THOC2: variants seen among roughly 807,000 people sequenced by gnomAD.
The protein encoded by THOC2 is THO complex 2.
In THOC2, 10 loss-of-function variants were observed where a neutral mutation model predicts 128.4. That is an observed-to-expected ratio of 0.08 (90% CI 0.05 to 0.13). THOC2 has a LOEUF of 0.13. THOC2 is among the 10% of genes least tolerant of loss of function. THOC2 has a pLI of 1.00. For missense variants in THOC2, 535 were observed against 1,155.7 expected, an observed-to-expected ratio of 0.46 and a Z score of 7.79; for synonymous variants, 393 against 396.9, an observed-to-expected ratio of 0.99 and a Z score of 0.12.
rs993067885 is a variant in THOC2 at position 123,658,120 on chromosome X, G to A, written c.1386+7522C>T. ...GAAGCAAAATAGTGTGTTTGAAAGT[G>A]GACTTGGATCAATTGTAAATGTACA... On this transcript the variant is annotated intron_variant, in intron 12 of 38. Coordinates refer to ENST00000245838, the MANE Select transcript of THOC2 (RefSeq NM_001081550.2). Among the ~76,000 whole-genome samples the A allele has an allele frequency of 2.7e-5, 3 of 109,905 alleles. No individual in the cohort carries two copies. In the Admixed American group the frequency reaches 2.9e-4, roughly 11 times the overall value.
chrX:123,676,026 C>T (rs1296492867), intron 8 of THOC2, among the ~76,000 whole-genome samples: 2 of 112,377 alleles, frequency 1.8e-5, no homozygotes, highest in African/African-American at 6.5e-5. Flanking sequence ...CTCTGTTGGC[C>T]TTTTCTGGGC....
At chrX:123,613,272 T>G in intron 36 of THOC2, 127 bp downstream of exon 36, 9 of 674,679 alleles carry the variant, frequency 1.3e-5, no homozygotes, top group South Asian at 2.8e-5. Context: ...CCTCAATACC[T>G]CTTCTTCCCA....
chrX:123,634,564 G>T (rs777056480), intron 19 of THOC2, among the ~76,000 whole-genome samples: 9 of 111,644 alleles, frequency 8.1e-5, no homozygotes, highest in Admixed American at 6.7e-4. Flanking sequence ...TTTAGTACAT[G>T]TAACGCTGAT....
intron 8 of THOC2, among the ~76,000 whole-genome samples, chrX:123,678,361 G>A (rs2049600898): frequency 9.4e-6 from 1 of 106,583 alleles, no homozygotes; most frequent in Admixed American, 1.0e-4. Context: ...CACCTCTCGC[G>A]TTCAAGTGAT....
At chrX:123,656,421 G>A (rs1390872532) in intron 12 of THOC2, among the ~76,000 whole-genome samples, 1 of 108,701 alleles carries the variant, frequency 9.2e-6, no homozygotes, top group Non-Finnish European at 1.9e-5. Flanking sequence ...ACAAGATTCC[G>A]TGACTGGCTG....
At chrX:123,629,835 C>T (rs769114588) in intron 22 of THOC2, among the ~76,000 whole-genome samples, 1 of 111,648 alleles carries the variant, frequency 9.0e-6, no homozygotes, top group Non-Finnish European at 1.9e-5. Flanking sequence ...TCTAACAAAA[C>T]GGGATAAAAT....
chrX:123,700,595 G>A (rs2050664889), intron 4 of THOC2, among the ~76,000 whole-genome samples: 1 of 105,976 alleles, frequency 9.4e-6, no homozygotes, highest in Non-Finnish European at 1.9e-5. Context: ...CCCGGAAAGT[G>A]CAGCACTAAT....
Position 123,638,025 on chromosome X carries a change from A to G in THOC2, c.1921+18T>C. 8.7e-7 allele frequency: 1 copy of G among 1,145,295 alleles called. No individual in the cohort carries two copies. Among genetic ancestry groups the G allele is most frequent in the Non-Finnish European group, 1.2e-6 (1 of 845,471 alleles). The allele number at this position is 1,145,295 out of a possible 1,213,427, so 94.4% of individuals were successfully genotyped here. On this transcript the variant is annotated intron_variant, in intron 18 of 38. Coordinates refer to ENST00000245838, the MANE Select transcript of THOC2 (RefSeq NM_001081550.2). The stretch of plus-strand genomic sequence containing the variant: ...CCACAGATAGTAATTTCATCTTTGG[A>G]AAAATAAAAATACTTACTCTGAAGC...
chrX:123,699,202 G>A (rs1243465974), intron 4 of THOC2, among the ~76,000 whole-genome samples: 1 of 111,765 alleles, frequency 8.9e-6, no homozygotes, highest in African/African-American at 3.3e-5. Flanking sequence ...GAGAAGCACT[G>A]GTTTTAGTGA....
At chrX:123,662,246 C>A (rs2048861086) in intron 12 of THOC2, among the ~76,000 whole-genome samples, 1 of 110,834 alleles carries the variant, frequency 9.0e-6, no homozygotes, top group South Asian at 3.8e-4. Context: ...AGCTTTAAAA[C>A]CTTGGGCTGG....
At chrX:123,718,791 CAATT>C (rs1232044499) in intron 1 of THOC2, among the ~76,000 whole-genome samples, 1 of 110,057 alleles carries the variant, frequency 9.1e-6, no homozygotes, top group African/African-American at 3.3e-5. Context: ...GGAAAGGAAA[CAATT>C]AACAGTGTGA....
At chrX:123,664,502 T>C (rs2048975038) in intron 12 of THOC2, among the ~76,000 whole-genome samples, 1 of 111,713 alleles carries the variant, frequency 9.0e-6, no homozygotes, top group African/African-American at 3.3e-5. Context: ...CTCAAACAAA[T>C]TTAGAAGAAA....
chrX:123,676,471 T>C (rs1235965169), intron 8 of THOC2, among the ~76,000 whole-genome samples: 2 of 111,834 alleles, frequency 1.8e-5, no homozygotes, highest in African/African-American at 3.2e-5. Flanking sequence ...CAATTAACTT[T>C]GTAGAGCTCT....
chrX:123,627,231 T>C (rs945326959), intron 23 of THOC2, among the ~76,000 whole-genome samples: 3 of 112,007 alleles, frequency 2.7e-5, no homozygotes, highest in Non-Finnish European at 5.6e-5. Flanking sequence ...ATTCACTACA[T>C]GAAAGTGAAT....
chrX:123,731,983 G>A (rs1215533826), intron 1 of THOC2, among the ~76,000 whole-genome samples: 1 of 111,378 alleles, frequency 9.0e-6, no homozygotes, highest in South Asian at 4.0e-4. Context: ...CCCAGAGAAG[G>A]AAATGAGATG....
chrX:123,644,524 A>G, intron 15 of THOC2, 51 bp downstream of exon 15: 4 of 940,416 alleles, frequency 4.3e-6, no homozygotes, highest in Non-Finnish European at 5.8e-6. Context: ...AAGAAAGTAT[A>G]TTAGATTCAG....
intron 8 of THOC2, among the ~76,000 whole-genome samples, chrX:123,683,071 G>C (rs747446045): frequency 9.0e-6 from 1 of 111,338 alleles, no homozygotes; most frequent in East Asian, 2.8e-4. Context: ...AAAATGCCTG[G>C]GACCAGAAGT....
chrX:123,710,835 C>G (rs756830291), intron 2 of THOC2, among the ~76,000 whole-genome samples: 12 of 106,696 alleles, frequency 1.1e-4, no homozygotes, highest in African/African-American at 3.4e-4. Flanking sequence ...ACTAAAAATA[C>G]AAAAGTTCGC....
At position 123,684,421 on chromosome X, in the gene THOC2, T is replaced by C. The variant is rs1470982085; in HGVS notation, c.768+2127A>G. On this transcript the variant is annotated intron_variant, in intron 8 of 38. Transcript: ENST00000245838. ...TTTCTGAGACGGAGTTTTACTCTTATTGCCTAGGCTGGAGTGCAGTGGCAT... is the reference window on the plus strand; with the variant it reads ...TTTCTGAGACGGAGTTTTACTCTTACTGCCTAGGCTGGAGTGCAGTGGCAT... Among the ~76,000 whole-genome samples, 3 of 111,910 alleles carry C rather than the reference T, an allele frequency of 2.7e-5. No homozygotes were observed. In the Admixed American group the frequency reaches 2.8e-4, roughly 11 times the overall value.
Sources: allele counts gnomAD v4.1 joint callset (sites outside exome capture counted in the v4.1 genomes callset), GRCh38; gene constraint gnomAD v4.1.1; transcripts MANE v1.5; gene names NCBI Gene and HGNC (gene_info 2026-07-23, HGNC 2026-07-21).